Variants in ZC3H14 observed in about 807,000 individuals in gnomAD.
ZC3H14 encodes the protein zinc finger CCCH-type containing 14.
In ZC3H14, 31 loss-of-function variants were observed where a neutral mutation model predicts 92.4. That is an observed-to-expected ratio of 0.34 (90% CI 0.25 to 0.45). The LOEUF is 0.45. Ranked by LOEUF, ZC3H14 falls within the 20% of genes least tolerant of loss-of-function variation. The pLI, the probability that ZC3H14 is intolerant of heterozygous loss-of-function variation, is 1.00. For synonymous variants in ZC3H14, 321 were observed against 300.9 expected, an observed-to-expected ratio of 1.07 and a Z score of -0.69; for missense variants, 781 against 897.3, an observed-to-expected ratio of 0.87 and a Z score of 1.66.
rs1327248460 is a variant in ZC3H14 at position 88,615,009 on chromosome 14, A to T, written c.*3258A>T. 6.6e-6 allele frequency: 1 copy of T among 152,234 alleles called. No homozygotes were observed. Among genetic ancestry groups the T allele is most frequent in the Non-Finnish European group, 1.5e-5 (1 of 68,036 alleles). The allele number at this position is 152,234 out of a possible 1,614,324, so 9.4% of individuals were successfully genotyped here. Reference sequence around the variant, plus strand: ...AATATGCAATTCTTTCTTCCAGTTAAATACTGTTGCTCCCTAAAACCCTTA... The same window carrying T: ...AATATGCAATTCTTTCTTCCAGTTATATACTGTTGCTCCCTAAAACCCTTA... On this transcript the variant is annotated 3_prime_UTR_variant, in exon 17 of 17. Transcript: ENST00000251038.
At chr14:88,602,211 T>A (rs1444392328) in intron 11 of ZC3H14, 128 bp downstream of exon 11, 1 of 1,291,684 alleles carries the variant, frequency 7.7e-7, no homozygotes, top group African/African-American at 1.5e-5. Context: ...ATTCAGTAGC[T>A]AGCCCATGAA....
At position 88,602,850 on chromosome 14, in the gene ZC3H14, CCTG is replaced by C; in HGVS notation, c.1539_1541del (p.Ala514del). 2 of 1,614,130 alleles carry C rather than the reference CCTG, an allele frequency of 1.2e-6. No individual in the cohort carries two copies. The highest frequency in any genetic ancestry group is 1.7e-6 in the Non-Finnish European group (2 of 1,180,018). Reference sequence around the variant, plus strand: ...CAGAGATCTTGTACAACCAGATAAACCTGCAAGTCCCAAGTTTATAGTGACGCT... The same window carrying C: ...CAGAGATCTTGTACAACCAGATAAACCAAGTCCCAAGTTTATAGTGACGCT... On this transcript the variant is annotated inframe_deletion, in exon 12 of 17. Transcript: ENST00000251038.
chr14:88,586,606 CT>C, intron 9 of ZC3H14: 2 of 152,314 alleles, frequency 1.3e-5, no homozygotes, highest in African/African-American at 4.8e-5. Context: ...CTTTCAAGAT[CT>C]TCTCTTTGTG....
At chr14:88,566,717 C>T (rs568063365) in intron 2 of ZC3H14, among the ~76,000 whole-genome samples, 6 of 152,084 alleles carry the variant, frequency 3.9e-5, no homozygotes, top group Admixed American at 6.6e-5. Flanking sequence ...GTCAGGAGTT[C>T]GAGACCAGCC....
chr14:88,595,009 T>G, intron 9 of ZC3H14: 1 of 1,613,786 alleles, frequency 6.2e-7, no homozygotes, highest in South Asian at 1.1e-5. Flanking sequence ...TTCAACAACA[T>G]ATGAATGCAA....
chr14:88,623,282 G>C lies in ZC3H14; in HGVS notation c.*11531G>C, dbSNP rs1242000034. 6.6e-6 allele frequency: 1 copy of C among 152,164 alleles called. No homozygotes were observed. Among genetic ancestry groups the C allele is most frequent in the Non-Finnish European group, 1.5e-5 (1 of 68,150 alleles). The allele number at this position is 152,164 out of a possible 1,614,324, so 9.4% of individuals were successfully genotyped here. On this transcript the variant is annotated 3_prime_UTR_variant, in exon 17 of 17. Coordinates refer to ENST00000251038, the MANE Select transcript of ZC3H14 (RefSeq NM_024824.5). ...TCTGCCTGCCTCGGCCTCCCAAAGTGCTGGGATTCCAGGTATGAGCCACTG... is the reference window on the plus strand; with the variant it reads ...TCTGCCTGCCTCGGCCTCCCAAAGTCCTGGGATTCCAGGTATGAGCCACTG...
At chr14:88,564,235 T>C (rs2079268373) in intron 2 of ZC3H14, among the ~76,000 whole-genome samples, 1 of 152,240 alleles carries the variant, frequency 6.6e-6, no homozygotes, top group Non-Finnish European at 1.5e-5. Flanking sequence ...TATTTTCCGA[T>C]CTCTTTATGT....
At chr14:88,596,637 C>A in intron 9 of ZC3H14, 97 bp from the exon 10 acceptor site, 1 of 1,027,318 alleles carries the variant, frequency 9.7e-7, no homozygotes, top group Non-Finnish European at 1.5e-6. Flanking sequence ...ACTTTTAAGA[C>A]TTCAAGTTAA....
At position 88,568,068 on chromosome 14, in the gene ZC3H14, A is replaced by T. The variant is rs2079927451; in HGVS notation, c.109A>T (p.Met37Leu). The T allele has an allele frequency of 1.9e-6, 3 of 1,614,106 alleles. No homozygotes were observed. Among genetic ancestry groups the T allele is most frequent in the Non-Finnish European group, 2.5e-6 (3 of 1,179,970 alleles). Residue 37 changes from methionine to leucine, a missense_variant, in exon 3 of 17, where the codon ATG (methionine) becomes TTG (leucine). This residue lies in a region of ZC3H14 where 106 missense variants were observed against 154.2 expected (regional missense o/e 0.69). Transcript: ENST00000251038. ...DEELPDYIMVMVANKKSQDQM... is the reference protein window; with the variant it reads ...DEELPDYIMVLVANKKSQDQM... ...AGAACTTCCTGATTACATTATGGTG[A>T]TGGTGGCCAACAAGAAAAGTCAGGA...
In ZC3H14 at chr14:88,625,878, T is replaced by C. The variant is rs369245748; in HGVS notation, c.*14127T>C. 33 of 152,344 alleles carry C rather than the reference T, an allele frequency of 2.2e-4. 1 individual carries two copies. The highest frequency in any genetic ancestry group is 7.7e-4 in the African/African-American group (32 of 41,562). 9.4% of individuals were successfully genotyped at this position (152,344 alleles called of 1,614,324 possible). ...ATAATCACAAAAACAAAAAATGCACTTAGTTTTTCGATGCACCAAAGGATT... is the reference window on the plus strand; with the variant it reads ...ATAATCACAAAAACAAAAAATGCACCTAGTTTTTCGATGCACCAAAGGATT... On this transcript the variant is annotated 3_prime_UTR_variant, in exon 17 of 17. Transcript: ENST00000251038.
chr14:88,621,425 C>A lies in ZC3H14; in HGVS notation c.*9674C>A. 9.2e-7 allele frequency: 1 copy of A among 1,085,364 alleles called. No individual in the cohort carries two copies. Among genetic ancestry groups the A allele is most frequent in the Non-Finnish European group, 1.4e-6 (1 of 735,008 alleles). 67.2% of individuals were successfully genotyped at this position (1,085,364 alleles called of 1,614,324 possible). A position where few individuals can be genotyped will look rare whatever the true frequency, so the allele number is the denominator to read the frequency against. On this transcript the variant is annotated 3_prime_UTR_variant, in exon 17 of 17. Coordinates refer to ENST00000251038, the MANE Select transcript of ZC3H14 (RefSeq NM_024824.5). ...TTTTTGCTTTGAGCTAATCTAGTAGCAAGGCAGTCATTAGCTCATGCAAAT... is the reference window on the plus strand; with the variant it reads ...TTTTTGCTTTGAGCTAATCTAGTAGAAAGGCAGTCATTAGCTCATGCAAAT...
At chr14:88,579,950 G>A (rs2081675253) in intron 9 of ZC3H14, among the ~76,000 whole-genome samples, 1 of 152,208 alleles carries the variant, frequency 6.6e-6, no homozygotes, top group Admixed American at 6.5e-5. Flanking sequence ...AGTGGCTCAT[G>A]CCTGTAATCC....
At position 88,627,032 on chromosome 14, in the gene ZC3H14, T is replaced by C; in HGVS notation, c.*15281T>C. 2 of 1,613,926 alleles carry C rather than the reference T, an allele frequency of 1.2e-6. No homozygotes were observed. Among genetic ancestry groups the C allele is most frequent in the Non-Finnish European group, 1.7e-6 (2 of 1,179,864 alleles). On this transcript the variant is annotated 3_prime_UTR_variant, in exon 17 of 17. Transcript: ENST00000251038. ...ATACGTTGATTGTGACCAGCTCTGC[T>C]GGCAATTTTGGCACCTGACAAGATA...
At chr14:88,567,473 A>G (rs906833107) in intron 2 of ZC3H14, among the ~76,000 whole-genome samples, 3 of 149,200 alleles carry the variant, frequency 2.0e-5, no homozygotes, top group Admixed American at 6.7e-5. Context: ...TTGTAGGATT[A>G]CCACTGTGAG....
At position 88,612,855 on chromosome 14, in the gene ZC3H14, A is replaced by ATCAC. The variant is rs1595157968; in HGVS notation, c.*1106_*1109dup. The stretch of plus-strand genomic sequence containing the variant: ...CAAATGCTTTAGAGTTAAATAACAG[A>ATCAC]TCACTGATTTCAAAGACTTGGTGTA... On this transcript the variant is annotated 3_prime_UTR_variant, in exon 17 of 17. Coordinates refer to ENST00000251038, the MANE Select transcript of ZC3H14 (RefSeq NM_024824.5). 1 of 152,592 alleles carries ATCAC rather than the reference A, an allele frequency of 6.6e-6. No homozygotes were observed. The highest frequency in any genetic ancestry group is 2.4e-5 in the African/African-American group (1 of 41,440). The allele number at this position is 152,592 out of a possible 1,614,324, so 9.5% of individuals were successfully genotyped here.
At chr14:88,599,376 C>G (rs2084283069) in intron 10 of ZC3H14, among the ~76,000 whole-genome samples, 1 of 152,150 alleles carries the variant, frequency 6.6e-6, no homozygotes. Flanking sequence ...AAAACAAAAA[C>G]AAAACCCTTA....
chr14:88,594,293 C>A, intron 9 of ZC3H14: 2 of 486,290 alleles, frequency 4.1e-6, no homozygotes, highest in Non-Finnish European at 5.4e-6. Flanking sequence ...TATAAAGTAG[C>A]GCTTCAGTGC....
chr14:88,627,044 C>T lies in ZC3H14; in HGVS notation c.*15293C>T. 1 of 1,613,678 alleles carries T rather than the reference C, an allele frequency of 6.2e-7. No individual in the cohort carries two copies. The highest frequency in any genetic ancestry group is 1.3e-5 in the African/African-American group (1 of 75,022). On this transcript the variant is annotated 3_prime_UTR_variant, in exon 17 of 17. Coordinates refer to ENST00000251038, the MANE Select transcript of ZC3H14 (RefSeq NM_024824.5). ...TGACCAGCTCTGCTGGCAATTTTGG[C>T]ACCTGACAAGATACAACAAAATTAT... is the stretch of plus-strand genomic sequence containing the variant.
chr14:88,619,844 T>C lies in ZC3H14; in HGVS notation c.*8093T>C, dbSNP rs1209478262. On this transcript the variant is annotated 3_prime_UTR_variant, in exon 17 of 17. Transcript: ENST00000251038. ...CACGCCCGGCTGATTTTTGTATTTTTAGTTGAGATGGGGTTTCACTATGTT... is the reference window on the plus strand; with the variant it reads ...CACGCCCGGCTGATTTTTGTATTTTCAGTTGAGATGGGGTTTCACTATGTT... 4 of 152,144 alleles carry C rather than the reference T, an allele frequency of 2.6e-5. No individual in the cohort carries two copies. Among genetic ancestry groups the C allele is most frequent in the African/African-American group, 9.7e-5 (4 of 41,430 alleles). The allele number at this position is 152,144 out of a possible 1,614,324, so 9.4% of individuals were successfully genotyped here. A position where few individuals can be genotyped will look rare whatever the true frequency, so the allele number is the denominator to read the frequency against.
Sources: allele counts gnomAD v4.1 joint callset (sites outside exome capture counted in the v4.1 genomes callset), GRCh38; gene constraint gnomAD v4.1.1; regional missense constraint gnomAD v4.1.1; transcripts MANE v1.5; gene names NCBI Gene and HGNC (gene_info 2026-07-23, HGNC 2026-07-21).